The following FAM118B variants were observed in gnomAD, a reference collection of about 807,000 sequenced individuals.
FAM118B encodes the protein protein FAM118B.
In FAM118B, 24 loss-of-function variants were observed where a neutral mutation model predicts 38.5. The ratio of observed to expected loss-of-function variants is 0.62; its 90% CI spans 0.45 to 0.88. The LOEUF (loss-of-function observed/expected upper bound fraction) is 0.88. Ranked by LOEUF, FAM118B falls within the 40% of genes least tolerant of loss-of-function variation. FAM118B has a pLI of 0.00. For synonymous variants in FAM118B, 138 were observed against 156.3 expected, an observed-to-expected ratio of 0.88 and a Z score of 0.87; for missense variants, 334 against 420.0, an observed-to-expected ratio of 0.80 and a Z score of 1.79.
chr11:126,262,090 C>A (rs763075705), intron 8 of FAM118B, 30 bp from the exon 9 acceptor site: 1 of 1,613,704 alleles, frequency 6.2e-7, no homozygotes, highest in East Asian at 2.2e-5. Context: ...TGTGAAACTT[C>A]ATTTTGTTCT....
chr11:126,253,496 A>G lies in FAM118B; in HGVS notation c.568-809A>G, dbSNP rs1312265198. ...GCTGGCAGCCTTTTAGGTTCCTCAG[A>G]GGTGACTGAAGTGATTTTTCTATCA... On this transcript the variant is annotated intron_variant, in intron 5 of 8. Transcript: ENST00000533050. This position sits in a 1 kb window ranked among gnomAD's most constrained non-coding sequence, Gnocchi z 5.1. Among the ~76,000 whole-genome samples the G allele has an allele frequency of 6.6e-6, 1 of 152,214 alleles. No individual in the cohort carries two copies. Among genetic ancestry groups the G allele is most frequent in the Admixed American group, 6.5e-5 (1 of 15,278 alleles).
intron 4 of FAM118B, 62 bp downstream of exon 4, chr11:126,241,106 G>A: frequency 6.8e-7 from 1 of 1,479,824 alleles, no homozygotes; most frequent in Non-Finnish European, 9.1e-7. Flanking sequence ...ATCACAACTA[G>A]CATGATTTGG....
intron 4 of FAM118B, among the ~76,000 whole-genome samples, chr11:126,242,993 A>G (rs1328196315): frequency 6.6e-6 from 1 of 152,256 alleles, no homozygotes; most frequent in Non-Finnish European, 1.5e-5. Context: ...TGGAGAAACA[A>G]AATGTCTGTC....
chr11:126,251,441 A>T (rs543581192), intron 5 of FAM118B, among the ~76,000 whole-genome samples: 8 of 152,358 alleles, frequency 5.3e-5, no homozygotes, highest in African/African-American at 1.7e-4. Context: ...CCCCTGCCAG[A>T]GTGGTAGCTG....
At chr11:126,232,547 C>A (rs1200757301) in intron 2 of FAM118B, among the ~76,000 whole-genome samples, 1 of 152,066 alleles carries the variant, frequency 6.6e-6, no homozygotes, top group East Asian at 1.9e-4. Flanking sequence ...ATTTTACTTT[C>A]ATCTCTCTCA....
At chr11:126,258,981 C>A (rs1032242903) in intron 7 of FAM118B, among the ~76,000 whole-genome samples, 2 of 152,164 alleles carry the variant, frequency 1.3e-5, no homozygotes, top group Non-Finnish European at 2.9e-5. Context: ...GGCTTCCTAC[C>A]AGAGTAGCTT....
intron 1 of FAM118B, among the ~76,000 whole-genome samples, chr11:126,215,918 G>T (rs751053046): frequency 8.6e-5 from 13 of 152,044 alleles, no homozygotes; most frequent in Non-Finnish European, 1.6e-4. Context: ...TGAGGTGGGA[G>T]GATCATTTGA....
At chr11:126,227,753 G>A (rs1157837111) in intron 1 of FAM118B, among the ~76,000 whole-genome samples, 1 of 152,112 alleles carries the variant, frequency 6.6e-6, no homozygotes, top group East Asian at 1.9e-4. Flanking sequence ...ACTACAGACA[G>A]TTACACTTGA....
At chr11:126,226,084 A>G (rs1022742476) in intron 1 of FAM118B, among the ~76,000 whole-genome samples, 11 of 151,792 alleles carry the variant, frequency 7.2e-5, no homozygotes, top group African/African-American at 2.7e-4. Flanking sequence ...GCAAGTTCCT[A>G]TCACTGTGAG....
In FAM118B at chr11:126,252,215, G is replaced by A. The variant is rs1950514172; in HGVS notation, c.567+1482G>A. On this transcript the variant is annotated intron_variant, in intron 5 of 8. Coordinates refer to ENST00000533050, the MANE Select transcript of FAM118B (RefSeq NM_024556.4). This position sits in a 1 kb window ranked among gnomAD's most constrained non-coding sequence, Gnocchi z 4.7. ...TTGGCCAGGCTGGTCTCGAACTCCT[G>A]ACCTCAGGTGATCTGCCCACCTTAG... Among the ~76,000 whole-genome samples, 1 of 152,118 alleles carries A rather than the reference G, an allele frequency of 6.6e-6. No homozygotes were observed. Among genetic ancestry groups the A allele is most frequent in the South Asian group, 2.1e-4 (1 of 4,830 alleles).
intron 7 of FAM118B, chr11:126,261,111 C>T (rs1950686100): frequency 3.8e-6 from 1 of 266,424 alleles, no homozygotes. Flanking sequence ...GAAACTTGGC[C>T]CTCTAGACTG....
At chr11:126,243,729 C>T (rs1487371852) in intron 4 of FAM118B, among the ~76,000 whole-genome samples, 2 of 151,962 alleles carry the variant, frequency 1.3e-5, no homozygotes, top group Admixed American at 6.6e-5. Flanking sequence ...CATGGCAAAA[C>T]CCTGTCTCTA....
In FAM118B at chr11:126,256,584, C is replaced by T; in HGVS notation, c.714C>T (p.Leu238=). The change falls in exon 7 of 9, where the codon CTC becomes CTT. Residue 238 remains leucine (L), a synonymous_variant. Transcript: ENST00000533050. The surrounding 1 kb of genome is among the most constrained non-coding windows in gnomAD (Gnocchi z 6.6). ...NTEVMREIQK[L]YENKSFLFLG... ...CCTTCCAGAGAGAAATTCAGAAACT[C>T]TACGAAAACAAGTCATTTCTTTTCC... The T allele has an allele frequency of 6.2e-7, 1 of 1,613,848 alleles. No homozygotes were observed. Among genetic ancestry groups the T allele is most frequent in the East Asian group, 2.2e-5 (1 of 44,890 alleles).
At chr11:126,246,798 G>A (rs2135188730) in intron 4 of FAM118B, among the ~76,000 whole-genome samples, 1 of 152,228 alleles carries the variant, frequency 6.6e-6, no homozygotes, top group South Asian at 2.1e-4. Context: ...CACTGTTTTA[G>A]ATGAATGGGA....
chr11:126,217,979 T>G (rs1950002890), intron 1 of FAM118B, among the ~76,000 whole-genome samples: 1 of 152,224 alleles, frequency 6.6e-6, no homozygotes, highest in Non-Finnish European at 1.5e-5. Flanking sequence ...ATCTCTGGTG[T>G]TCTGCAGTTT....
intron 2 of FAM118B, among the ~76,000 whole-genome samples, chr11:126,232,867 A>G (rs1262110625): frequency 6.6e-6 from 1 of 152,170 alleles, no homozygotes; most frequent in African/African-American, 2.4e-5. Flanking sequence ...GAAGTGAGTC[A>G]CATAAGTTAA....
intron 4 of FAM118B, 116 bp downstream of exon 4, chr11:126,241,160 C>A: frequency 8.9e-7 from 1 of 1,129,826 alleles, no homozygotes; most frequent in Non-Finnish European, 1.3e-6. Flanking sequence ...TATTCATTTA[C>A]AGCTTGTAGG....
chr11:126,232,071 G>A (rs1175480770), intron 2 of FAM118B, among the ~76,000 whole-genome samples: 2 of 152,058 alleles, frequency 1.3e-5, no homozygotes, highest in Non-Finnish European at 2.9e-5. Context: ...GTTTGTTTTG[G>A]CTGAAAAGTT....
At chr11:126,231,483 A>G (rs558676773) in intron 2 of FAM118B, among the ~76,000 whole-genome samples, 118 of 152,164 alleles carry the variant, frequency 7.8e-4, no homozygotes, top group Non-Finnish European at 1.6e-3. Flanking sequence ...TGGGGTATAC[A>G]TGTGAGATTG....
Sources: allele counts gnomAD v4.1 joint callset (sites outside exome capture counted in the v4.1 genomes callset), GRCh38; gene constraint gnomAD v4.1.1; non-coding constraint Gnocchi (gnomAD v3.1); transcripts MANE v1.5; gene names NCBI Gene and HGNC (gene_info 2026-07-23, HGNC 2026-07-21).